Variants in CD99L2 observed in about 807,000 individuals in gnomAD.
CD99L2 encodes the protein CD99 molecule like 2.
A neutral mutation model predicts 27.3 loss-of-function variants in CD99L2; 24 were observed. The ratio of observed to expected loss-of-function variants is 0.88; its 90% CI spans 0.64 to 1.24. The LOEUF (loss-of-function observed/expected upper bound fraction) is 1.24, where lower values mean the gene tolerates loss of function less well. CD99L2 is among the 50% of genes most tolerant of loss of function. The pLI is 0.00. For synonymous variants in CD99L2, 97 were observed against 87.9 expected (o/e 1.10, Z -0.58); for missense variants, 255 against 221.6 (o/e 1.15, Z -0.96).
intron 4 of CD99L2, among the ~76,000 whole-genome samples, chrX:150,804,259 GA>G (rs1479644372): frequency 1.3e-4 from 15 of 112,086 alleles, no homozygotes; most frequent in African/African-American, 4.9e-4. Context: ...CAGAGAATTG[GA>G]AAATTCACAA....
At chrX:150,770,243 G>A in intron 10 of CD99L2, 61 bp downstream of exon 10, 3 of 1,055,399 alleles carry the variant, frequency 2.8e-6, no homozygotes, top group South Asian at 1.9e-5. Flanking sequence ...GCACAGTTCT[G>A]CTCAGTGCTG....
intron 7 of CD99L2, among the ~76,000 whole-genome samples, chrX:150,784,588 C>T (rs2045565494): frequency 8.9e-6 from 1 of 112,367 alleles, no homozygotes; most frequent in South Asian, 3.6e-4. Flanking sequence ...TCTCGCACTC[C>T]TTTGAGGTTC....
intron 1 of CD99L2, among the ~76,000 whole-genome samples, chrX:150,898,076 G>A (rs1414986554): frequency 2.5e-5 from 1 of 40,058 alleles, no homozygotes; most frequent in Non-Finnish European, 4.8e-5. Flanking sequence ...CCCCCCCACA[G>A]CCCATGCCCG....
intron 1 of CD99L2, among the ~76,000 whole-genome samples, chrX:150,842,510 G>C (rs12010864): frequency 0.025 from 2,843 of 111,848 alleles, 99 homozygotes; most frequent in African/African-American, 0.089. Context: ...TGATCCTTGA[G>C]AGAGATCATT....
chrX:150,831,438 G>A, intron 1 of CD99L2, 145 bp from the exon 2 acceptor site: 2 of 469,171 alleles, frequency 4.3e-6, no homozygotes, highest in South Asian at 3.7e-5. Flanking sequence ...GTGAGTGGTG[G>A]TAGCTATACT....
At chrX:150,812,685 C>A (rs2046089989) in intron 4 of CD99L2, among the ~76,000 whole-genome samples, 1 of 112,349 alleles carries the variant, frequency 8.9e-6, no homozygotes, top group Non-Finnish European at 1.9e-5. Flanking sequence ...CCAGTCACTG[C>A]ACTCTTGGGC....
intron 1 of CD99L2, among the ~76,000 whole-genome samples, chrX:150,846,173 C>T (rs1333878987): frequency 8.9e-6 from 1 of 112,067 alleles, no homozygotes; most frequent in Non-Finnish European, 1.9e-5. Flanking sequence ...GCCTAGGCGA[C>T]AGTGCGAGAC....
chrX:150,798,422 A>G (rs1486202038), intron 4 of CD99L2, among the ~76,000 whole-genome samples: 1 of 111,031 alleles, frequency 9.0e-6, no homozygotes, highest in East Asian at 2.9e-4. Context: ...TGTCAAGACC[A>G]TTCGATCGGG....
chrX:150,835,529 C>T (rs949311990), intron 1 of CD99L2, among the ~76,000 whole-genome samples: 1 of 110,708 alleles, frequency 9.0e-6, no homozygotes, highest in African/African-American at 3.3e-5. Flanking sequence ...CTGTAAAAAG[C>T]AACGATAACA....
At chrX:150,802,660 C>A (rs1285107857) in intron 4 of CD99L2, among the ~76,000 whole-genome samples, 1 of 100,297 alleles carries the variant, frequency 1.0e-5, no homozygotes, top group Non-Finnish European at 2.0e-5. Context: ...TGGCTCACTG[C>A]AAGCTCTGCC....
At chrX:150,774,738 C>T (rs974886531) in intron 9 of CD99L2, among the ~76,000 whole-genome samples, 11 of 112,338 alleles carry the variant, frequency 9.8e-5, no homozygotes, top group Admixed American at 4.7e-4. Context: ...GCAACTCGAC[C>T]CTCTCGCCCA....
rs2148700016 is a variant in CD99L2, at chrX:150,768,482, A to G, written c.*552T>C. On this transcript the variant is annotated 3_prime_UTR_variant, in exon 11 of 11. Transcript: ENST00000370377. ...GGATGGGGAAGACTGAAGTGAAACC[A>G]TCATCCTGGGTGCTGCGTGTGTGTG... The G allele has an allele frequency of 8.8e-6, 1 of 113,395 alleles. No homozygotes were observed. Among genetic ancestry groups the G allele is most frequent in the African/African-American group, 3.2e-5 (1 of 31,040 alleles). The allele number at this position is 113,395 out of a possible 1,213,427, so 9.3% of individuals were successfully genotyped here. A position where few individuals can be genotyped will look rare whatever the true frequency, so the allele number is the denominator to read the frequency against.
intron 1 of CD99L2, among the ~76,000 whole-genome samples, chrX:150,832,041 G>C (rs1557421080): frequency 1.8e-5 from 2 of 112,042 alleles, no homozygotes; most frequent in African/African-American, 6.5e-5. Flanking sequence ...CTACACTTTA[G>C]ACCAAATGAA....
chrX:150,807,720 C>T, intron 4 of CD99L2, among the ~76,000 whole-genome samples: 1 of 112,160 alleles, frequency 8.9e-6, no homozygotes, highest in Non-Finnish European at 1.9e-5. Flanking sequence ...CTGCTCTGTA[C>T]CTTTTCAGAT....
chrX:150,880,841 T>G (rs190052462), intron 1 of CD99L2, among the ~76,000 whole-genome samples: 3 of 111,958 alleles, frequency 2.7e-5, no homozygotes, highest in Non-Finnish European at 3.8e-5. Context: ...TCTACCACTA[T>G]TTTCTCTTCT....
chrX:150,822,687 T>C (rs1209371163), intron 2 of CD99L2, among the ~76,000 whole-genome samples: 5 of 112,473 alleles, frequency 4.4e-5, no homozygotes, highest in South Asian at 7.3e-4. Context: ...ATATATTAAC[T>C]TGCTTCACTA....
intron 1 of CD99L2, among the ~76,000 whole-genome samples, chrX:150,865,216 G>A (rs2047042399): frequency 9.0e-6 from 1 of 111,300 alleles, no homozygotes; most frequent in Non-Finnish European, 1.9e-5. Flanking sequence ...GCCAAAGTAA[G>A]GCCAGGCATG....
intron 1 of CD99L2, among the ~76,000 whole-genome samples, 155 bp from the exon 2 acceptor site, chrX:150,831,448 T>C (rs2046443302): frequency 8.9e-6 from 1 of 112,205 alleles, no homozygotes; most frequent in Admixed American, 9.5e-5. Context: ...GTAGCTATAC[T>C]TACATCAGAC....
intron 2 of CD99L2, among the ~76,000 whole-genome samples, chrX:150,822,141 A>G (rs1249603109): frequency 8.9e-6 from 1 of 112,542 alleles, no homozygotes; most frequent in Non-Finnish European, 1.9e-5. Flanking sequence ...TGATGAGTGG[A>G]TAAACAAAAT....
Sources: gnomAD v4.1 joint callset for allele counts (sites outside exome capture counted in the v4.1 genomes callset) on GRCh38, gnomAD v4.1.1 for gene constraint, MANE v1.5 for transcripts, NCBI Gene and HGNC (gene_info 2026-07-23, HGNC 2026-07-21) for gene names.